LRCH1: variants seen among roughly 807,000 people sequenced by gnomAD.
LRCH1 encodes leucine rich repeats and calponin homology domain containing 1.
Under a neutral mutation model 94.9 loss-of-function variants are expected in LRCH1, and 23 were observed. The observed-to-expected ratio is 0.24, with a 90% CI of 0.17 to 0.34. LRCH1 has a LOEUF of 0.34. LRCH1 is among the 10% of genes least tolerant of loss of function. The pLI, the probability that LRCH1 is intolerant of heterozygous loss-of-function variation, is 1.00. For missense variants in LRCH1, 790 were observed against 945.9 expected, an observed-to-expected ratio of 0.84 and a Z score of 2.16; for synonymous variants, 364 against 354.9, an observed-to-expected ratio of 1.03 and a Z score of -0.29.
At chr13:46,579,378 C>G (rs1385156975) in intron 1 of LRCH1, among the ~76,000 whole-genome samples, 2 of 152,042 alleles carry the variant, frequency 1.3e-5, no homozygotes, top group Non-Finnish European at 2.9e-5. Context: ...ATGGAATAAG[C>G]TGCCAATATA....
intron 1 of LRCH1, among the ~76,000 whole-genome samples, chr13:46,566,999 A>C (rs897042401): frequency 6.6e-6 from 1 of 152,222 alleles, no homozygotes; most frequent in African/African-American, 2.4e-5. Flanking sequence ...TCTGTTATTA[A>C]AAAATATAGA....
At position 46,712,571 on chromosome 13, in the gene LRCH1, C is replaced by T. The variant is rs761021080; in HGVS notation, c.1628C>T (p.Ala543Val). The T allele has an allele frequency of 6.2e-7, 1 of 1,613,982 alleles. No homozygotes were observed. The highest frequency in any genetic ancestry group is 1.1e-5 in the South Asian group (1 of 91,082). ...PAVSPTTNST[A>V]PFGLKPRSDP... ...GTCTCTCCTACCACAAACAGCACAG[C>T]TCCATTTGGCCTGAAGCCTCGATCA... The change falls in exon 15 of 20, where the codon GCT becomes GTT. Residue 543 changes from alanine (A) to valine (V), a missense_variant. By Grantham distance (64) the Ala-to-Val change is moderately conservative. This residue lies in a region of LRCH1 where 460 missense variants were observed against 508.9 expected (regional missense o/e 0.90). Transcript: ENST00000389797.
intron 1 of LRCH1, among the ~76,000 whole-genome samples, chr13:46,624,713 C>T (rs1054974392): frequency 6.6e-6 from 1 of 152,192 alleles, no homozygotes; most frequent in Non-Finnish European, 1.5e-5. Context: ...GCTGTTTATA[C>T]TGGTAACAGA....
chr13:46,743,325 C>T lies in LRCH1; in HGVS notation c.*1477C>T. ...AAGATTCCTTGCTGCTAAGTCAGATCAGATTTGCTAACAGGAAGCATTCTT... is the reference window on the plus strand; with the variant it reads ...AAGATTCCTTGCTGCTAAGTCAGATTAGATTTGCTAACAGGAAGCATTCTT... On this transcript the variant is annotated 3_prime_UTR_variant, in exon 20 of 20. Coordinates refer to ENST00000389797, the MANE Select transcript of LRCH1 (RefSeq NM_001164211.2). The T allele has an allele frequency of 2.0e-6, 2 of 985,842 alleles. No individual in the cohort carries two copies. The highest frequency in any genetic ancestry group is 2.4e-6 in the Non-Finnish European group (2 of 829,930). The allele number at this position is 985,842 out of a possible 1,614,324, so 61.1% of individuals were successfully genotyped here.
intron 14 of LRCH1, 46 bp downstream of exon 14, chr13:46,711,890 CTGGATTGGAATAT>C: frequency 7.2e-7 from 1 of 1,384,966 alleles, no homozygotes; most frequent in Non-Finnish European, 1.0e-6. Context: ...TTCTTGATGG[CTGGATTGGAATAT>C]CTTTTACAGA....
chr13:46,728,879 C>T lies in LRCH1; in HGVS notation c.1902C>T (p.His634=), dbSNP rs145610615. Residue 634 remains histidine, a synonymous_variant, in exon 18 of 20, where the codon CAC becomes CAT. Transcript: ENST00000389797. The stretch of plus-strand genomic sequence containing the variant: ...AGATGAGATTGAAGGTCAGTCTACA[C>T]GAAGACCTGGGGGCAGCCCTCATGG... ...SIEMRLKVSL[H]EDLGAALMDG... 6.8e-5 allele frequency: 110 copies of T among 1,612,472 alleles called. 3 individuals carry two copies. The Middle Eastern group carries it at 4.8e-3, about 70-fold the overall frequency.
rs557872609 is a variant in LRCH1 at position 46,564,542 on chromosome 13, G to A, written c.307+10839G>A. ...ACCTCTCCCAGGTCCCTTGATCAGG[G>A]CACTCAGCGGCTGGGAAACAAGGGT... On this transcript the variant is annotated intron_variant, in intron 1 of 19. Transcript: ENST00000389797. Among the ~76,000 whole-genome samples the A allele has an allele frequency of 6.2e-4, 95 of 152,324 alleles. 1 individual carries two copies. Among genetic ancestry groups the A allele is most frequent in the African/African-American group, 2.1e-3 (88 of 41,572 alleles).
intron 1 of LRCH1, among the ~76,000 whole-genome samples, chr13:46,642,945 G>A (rs1433616059): frequency 6.6e-6 from 1 of 152,164 alleles, no homozygotes; most frequent in Non-Finnish European, 1.5e-5. Context: ...ATTGCAGTGT[G>A]CCAACAAGAT....
rs951033657 is a variant in LRCH1 at position 46,587,495 on chromosome 13, A to G, written c.307+33792A>G. Reference sequence around the variant, plus strand: ...GAAGGTATCAGAAAAAACTTAATAGAGTTTCTTAGCAAGAGTACTGGAACA... The same window carrying G: ...GAAGGTATCAGAAAAAACTTAATAGGGTTTCTTAGCAAGAGTACTGGAACA... On this transcript the variant is annotated intron_variant, in intron 1 of 19. Transcript: ENST00000389797. 3.3e-5 allele frequency among the ~76,000 whole-genome samples: 5 copies of G among 152,190 alleles called. No homozygotes were observed. The East Asian group carries it at 9.6e-4, about 29-fold the overall frequency.
intron 9 of LRCH1, 81 bp downstream of exon 9, chr13:46,695,098 A>G (rs1316869848): frequency 2.6e-6 from 4 of 1,531,456 alleles, no homozygotes; most frequent in South Asian, 2.4e-5. Context: ...AAGGTTGCCA[A>G]TCCATCCCCT....
intron 2 of LRCH1, among the ~76,000 whole-genome samples, chr13:46,663,497 G>T (rs192602745): frequency 3.9e-5 from 6 of 152,288 alleles, no homozygotes; most frequent in Admixed American, 1.3e-4. Flanking sequence ...GCAGGAAAAA[G>T]GAAATGGTTC....
chr13:46,699,301 A>G lies in LRCH1; in HGVS notation c.1246-35A>G, dbSNP rs75264915. On this transcript the variant is annotated intron_variant, in intron 9 of 19. Coordinates refer to ENST00000389797, the MANE Select transcript of LRCH1 (RefSeq NM_001164211.2). Reference sequence around the variant, plus strand: ...TTGGCTCCTGACTACTGAGTAGCCAATGGTTTTCAGGAACCCTGTGTGTTT... The same window carrying G: ...TTGGCTCCTGACTACTGAGTAGCCAGTGGTTTTCAGGAACCCTGTGTGTTT... 1.1e-3 allele frequency: 1,681 copies of G among 1,579,220 alleles called. 9 individuals carry two copies. The African/African-American group carries it at 0.018, about 17-fold the overall frequency.
At chr13:46,572,125 C>T (rs2050248305) in intron 1 of LRCH1, among the ~76,000 whole-genome samples, 1 of 152,210 alleles carries the variant, frequency 6.6e-6, no homozygotes, top group South Asian at 2.1e-4. Context: ...TCTGCCAGCA[C>T]AGGGCTGAGG....
At chr13:46,624,578 A>G (rs1002452775) in intron 1 of LRCH1, among the ~76,000 whole-genome samples, 2 of 152,216 alleles carry the variant, frequency 1.3e-5, no homozygotes, top group African/African-American at 4.8e-5. Flanking sequence ...TAGGGGATCC[A>G]CAGAGTTGAA....
intron 1 of LRCH1, among the ~76,000 whole-genome samples, chr13:46,643,592 C>T (rs9590971): frequency 0.027 from 4,114 of 152,298 alleles, 202 homozygotes; most frequent in African/African-American, 0.092. Context: ...GATCCACACT[C>T]ACTTCCCCTT....
At chr13:46,676,541 C>A (rs1405078576) in intron 3 of LRCH1, among the ~76,000 whole-genome samples, 1 of 152,058 alleles carries the variant, frequency 6.6e-6, no homozygotes, top group East Asian at 1.9e-4. Flanking sequence ...GGCATGGCTA[C>A]GTGATAGGAG....
At chr13:46,554,709 T>A (rs2050043935) in intron 1 of LRCH1, among the ~76,000 whole-genome samples, 1 of 152,206 alleles carries the variant, frequency 6.6e-6, no homozygotes. Context: ...ATTGGGGCCT[T>A]AGGGTCTATA....
At chr13:46,587,930 C>T (rs1464131733) in intron 1 of LRCH1, among the ~76,000 whole-genome samples, 2 of 152,152 alleles carry the variant, frequency 1.3e-5, no homozygotes, top group African/African-American at 4.8e-5. Context: ...GTTTCCATTT[C>T]ATTGTGGTAC....
chr13:46,635,734 G>A (rs1029277007), intron 1 of LRCH1, among the ~76,000 whole-genome samples: 14 of 150,438 alleles, frequency 9.3e-5, no homozygotes, highest in African/African-American at 3.4e-4. Context: ...GCCTCCCAAA[G>A]TGCTGGGATT....
Sources: allele counts gnomAD v4.1 joint callset (sites outside exome capture counted in the v4.1 genomes callset), GRCh38; gene constraint gnomAD v4.1.1; regional missense constraint gnomAD v4.1.1; transcripts MANE v1.5; gene names NCBI Gene and HGNC (gene_info 2026-07-23, HGNC 2026-07-21).